VWA5A: variants seen among roughly 807,000 people sequenced by gnomAD.
The protein encoded by VWA5A is von Willebrand factor A domain-containing protein 5A.
Under a neutral mutation model 84.6 loss-of-function variants are expected in VWA5A, and 77 were observed. The observed-to-expected ratio is 0.91, with a 90% CI of 0.76 to 1.10. VWA5A has a LOEUF of 1.10. Among genes scored for constraint, VWA5A ranks in the 50% least tolerant of loss-of-function variants. The pLI is 0.00. For synonymous variants in VWA5A, 334 were observed against 350.1 expected, an observed-to-expected ratio of 0.95 and a Z score of 0.51; for missense variants, 973 against 963.0, an observed-to-expected ratio of 1.01 and a Z score of -0.14.
At chr11:124,138,118 C>G (rs541472045) in intron 15 of VWA5A, among the ~76,000 whole-genome samples, 138 of 152,268 alleles carry the variant, frequency 9.1e-4, no homozygotes, top group African/African-American at 3.2e-3. Context: ...CCAAGTTCAT[C>G]TATGTTGTTG....
At chr11:124,123,306 G>C in intron 8 of VWA5A, 60 bp from the exon 9 acceptor site, 1 of 1,544,688 alleles carries the variant, frequency 6.5e-7, no homozygotes, top group Admixed American at 1.8e-5. Context: ...TCGATTGACA[G>C]GGCCCATGTG....
chr11:124,124,275 T>TA lies in VWA5A; in HGVS notation c.1204dup (p.Ser402LysfsTer4). ...CAGATGGAGAAGTTACAGACACGTTTAGTGTAATTAAAGAAGTTAGGATCA... is the reference window on the plus strand; with the variant it reads ...CAGATGGAGAAGTTACAGACACGTTTAAGTGTAATTAAAGAAGTTAGGATCA... On this transcript the variant is annotated frameshift_variant, in exon 11 of 19. Transcript: ENST00000456829. LOFTEE classifies it high-confidence loss of function. The TA allele has an allele frequency of 6.2e-7, 1 of 1,613,976 alleles. No homozygotes were observed. Among genetic ancestry groups the TA allele is most frequent in the Non-Finnish European group, 8.5e-7 (1 of 1,179,970 alleles).
chr11:124,126,935 T>C (rs1261674137), intron 11 of VWA5A, among the ~76,000 whole-genome samples: 2 of 152,220 alleles, frequency 1.3e-5, no homozygotes, highest in African/African-American at 4.8e-5. Flanking sequence ...ACAAGAACAT[T>C]CTGCTACATC....
chr11:124,127,858 GTTGT>G (rs1865042562), intron 11 of VWA5A, among the ~76,000 whole-genome samples: 1 of 152,094 alleles, frequency 6.6e-6, no homozygotes, highest in East Asian at 1.9e-4. Flanking sequence ...TTTTGATGGG[GTTGT>G]TTGTTTTTTT....
At chr11:124,129,028 G>C (rs1459599125) in intron 11 of VWA5A, among the ~76,000 whole-genome samples, 1 of 152,176 alleles carries the variant, frequency 6.6e-6, no homozygotes, top group East Asian at 1.9e-4. Context: ...TTGAATAGGA[G>C]TGGTGAGAGA....
intron 11 of VWA5A, among the ~76,000 whole-genome samples, chr11:124,130,169 G>T (rs1865076452): frequency 6.6e-6 from 1 of 152,160 alleles, no homozygotes; most frequent in African/African-American, 2.4e-5. Flanking sequence ...CAGAAATTTG[G>T]TGCATTGTGT....
intron 11 of VWA5A, among the ~76,000 whole-genome samples, chr11:124,133,166 G>A (rs1865122531): frequency 6.6e-6 from 1 of 152,154 alleles, no homozygotes; most frequent in South Asian, 2.1e-4. Flanking sequence ...TGGATAGACT[G>A]GGAACAGATA....
chr11:124,117,989 T>C, intron 4 of VWA5A, 114 bp downstream of exon 4: 1 of 1,379,032 alleles, frequency 7.3e-7, no homozygotes, highest in Non-Finnish European at 9.9e-7. Context: ...ATGCTGATGT[T>C]GAAAGCTCTT....
chr11:124,141,759 A>G lies in VWA5A; in HGVS notation c.2023+18A>G. 1 of 1,610,852 alleles carries G rather than the reference A, an allele frequency of 6.2e-7. No individual in the cohort carries two copies. Among genetic ancestry groups the G allele is most frequent in the Non-Finnish European group, 8.5e-7 (1 of 1,178,538 alleles). On this transcript the variant is annotated intron_variant, in intron 16 of 18. Coordinates refer to ENST00000456829, the MANE Select transcript of VWA5A (RefSeq NM_001130142.2). ...CAGTCCAGGTGAGTACCTTTATAGGAACATTTTCTCAACAATGTTTTTCTG... is the reference window on the plus strand; with the variant it reads ...CAGTCCAGGTGAGTACCTTTATAGGGACATTTTCTCAACAATGTTTTTCTG...
rs1474245365 is a variant in VWA5A at position 124,137,409 on chromosome 11, G to C, written c.1879+141G>C. The C allele has an allele frequency of 2.5e-6, 3 of 1,212,062 alleles. No homozygotes were observed. In the African/African-American group the frequency reaches 4.6e-5, roughly 19 times the overall value. The allele number at this position is 1,212,062 out of a possible 1,614,324, so 75.1% of individuals were successfully genotyped here. ...CCTCCACATCTAGGATTTCTGGTTA[G>C]TGTTAAATTTTTCTGTCCCAGGGAA... On this transcript the variant is annotated intron_variant, in intron 15 of 18. Transcript: ENST00000456829.
intron 4 of VWA5A, 148 bp from the exon 5 acceptor site, chr11:124,118,041 G>T (rs1864863782): frequency 3.9e-6 from 5 of 1,287,944 alleles, no homozygotes; most frequent in Non-Finnish European, 5.3e-6. Context: ...AAAATCATTT[G>T]GGGAAAGAAA....
Position 124,145,849 on chromosome 11 carries a change from G to C in VWA5A, c.2282-17G>C, listed in dbSNP as rs767919745. 17 of 1,568,130 alleles carry C rather than the reference G, an allele frequency of 1.1e-5. No homozygotes were observed. The highest frequency in any genetic ancestry group is 1.4e-5 in the Non-Finnish European group (16 of 1,153,552). On this transcript the variant is annotated splice_polypyrimidine_tract_variant and intron_variant, in intron 18 of 18. Transcript: ENST00000456829. Reference sequence around the variant, plus strand: ...TTGCAATCCTTCATCCCTGCTTCTTGTTTTTCCTCACCACAGGCTCCACCA... The same window carrying C: ...TTGCAATCCTTCATCCCTGCTTCTTCTTTTTCCTCACCACAGGCTCCACCA...
At chr11:124,122,351 T>G (rs1224261211) in intron 7 of VWA5A, among the ~76,000 whole-genome samples, 1 of 152,190 alleles carries the variant, frequency 6.6e-6, no homozygotes, top group Non-Finnish European at 1.5e-5. Flanking sequence ...CCCACACCAT[T>G]GTTTGGATGA....
chr11:124,137,435 C>A (rs1157491384), intron 15 of VWA5A, among the ~76,000 whole-genome samples, 167 bp downstream of exon 15: 1 of 152,158 alleles, frequency 6.6e-6, no homozygotes, highest in African/African-American at 2.4e-5. Flanking sequence ...TCCCAGGGAA[C>A]TAGAATGCAT....
chr11:124,144,024 G>A (rs1475314292), intron 17 of VWA5A, among the ~76,000 whole-genome samples: 3 of 152,000 alleles, frequency 2.0e-5, no homozygotes, highest in Non-Finnish European at 2.9e-5. Flanking sequence ...GACCCACCAG[G>A]CTCTGAATTC....
Position 124,145,357 on chromosome 11 carries a change from C to T in VWA5A, c.2275C>T (p.His759Tyr), listed in dbSNP as rs540796497. Residue 759 changes from histidine to tyrosine, a missense_variant, in exon 18 of 19, where the codon CAT becomes TAT. Coordinates refer to ENST00000456829, the MANE Select transcript of VWA5A (RefSeq NM_001130142.2). The part of the protein sequence containing the change: ...ERKAVAWMRA[H>Y]AGSTMPSVVK... ...GAAGGCCGTGGCCTGGATGCGTGCC[C>T]ATGCAGGTAGGAGCACAATCCTAAG... is the stretch of plus-strand genomic sequence containing the variant. The T allele has an allele frequency of 3.7e-6, 6 of 1,612,002 alleles. No individual in the cohort carries two copies. In the Admixed American group the frequency reaches 6.7e-5, roughly 18 times the overall value.
intron 11 of VWA5A, among the ~76,000 whole-genome samples, chr11:124,134,019 T>G (rs1297546394): frequency 6.6e-6 from 1 of 152,200 alleles, no homozygotes; most frequent in Non-Finnish European, 1.5e-5. Context: ...CAGCCAATAT[T>G]GTTTAGTTTT....
chr11:124,135,546 T>C (rs1188465977), intron 12 of VWA5A, among the ~76,000 whole-genome samples: 7 of 143,942 alleles, frequency 4.9e-5, no homozygotes, highest in Non-Finnish European at 7.6e-5. Flanking sequence ...TTTTTTTTTT[T>C]CTGAGACGGA....
At position 124,123,362 on chromosome 11, in the gene VWA5A, TCAGGAAA is replaced by T. The variant is rs1209991131; in HGVS notation, c.931-1_936del. ...TCTGTCTCTTCATACTCTCTTACCT[TCAGGAAA>T]CACTGATTTTGCTGCTGAAGAGTTT... On this transcript the variant is annotated splice_acceptor_variant and splice_polypyrimidine_tract_variant and coding_sequence_variant and intron_variant, in exon 9 of 19. Coordinates refer to ENST00000456829, the MANE Select transcript of VWA5A (RefSeq NM_001130142.2). LOFTEE classifies it high-confidence loss of function. 2.5e-6 allele frequency: 4 copies of T among 1,613,012 alleles called. No homozygotes were observed. Among genetic ancestry groups the T allele is most frequent in the East Asian group, 2.2e-5 (1 of 44,890 alleles).
Sources: allele counts gnomAD v4.1 joint callset (sites outside exome capture counted in the v4.1 genomes callset), GRCh38; gene constraint gnomAD v4.1.1; transcripts MANE v1.5; gene names NCBI Gene and HGNC (gene_info 2026-07-23, HGNC 2026-07-21).